Variants in PACS1 observed in about 807,000 individuals in gnomAD.
The protein encoded by PACS1 is PACS-1.
A neutral mutation model predicts 115.0 loss-of-function variants in PACS1; 24 were observed. The observed-to-expected ratio is 0.21, with a 90% CI of 0.15 to 0.29. The LOEUF (loss-of-function observed/expected upper bound fraction) is 0.29, where lower values mean the gene tolerates loss of function less well. PACS1 is among the 10% of genes least tolerant of loss of function. The pLI is 1.00. For synonymous variants in PACS1, 453 were observed against 504.5 expected (o/e 0.90, Z 1.37); for missense variants, 838 against 1,251.2 (o/e 0.67, Z 4.98).
chr11:66,070,939 A>G lies in PACS1; in HGVS notation c.356+97A>G. On this transcript the variant is annotated intron_variant, in intron 1 of 23. Transcript: ENST00000320580. The surrounding 1 kb of genome is among the most constrained non-coding windows in gnomAD (Gnocchi z 5.9). ...AGCGCCCATGGGGTCCCCGCCCTCC[A>G]TCTCCCCGACTGTCCCGCGGCCCGG... 8.3e-7 allele frequency: 1 copy of G among 1,204,956 alleles called. No individual in the cohort carries two copies. The highest frequency in any genetic ancestry group is 1.1e-6 in the Non-Finnish European group (1 of 931,212). 74.6% of individuals were successfully genotyped at this position (1,204,956 alleles called of 1,614,324 possible). A position where few individuals can be genotyped will look rare whatever the true frequency, so the allele number is the denominator to read the frequency against.
intron 1 of PACS1, among the ~76,000 whole-genome samples, chr11:66,103,452 A>G (rs1857965637): frequency 6.6e-6 from 1 of 151,536 alleles, no homozygotes; most frequent in African/African-American, 2.4e-5. Context: ...AGAAAAGGGC[A>G]TTAGTCCCTT....
At chr11:66,222,348 C>G (rs1855369558) in intron 10 of PACS1, among the ~76,000 whole-genome samples, 1 of 152,030 alleles carries the variant, frequency 6.6e-6, no homozygotes, top group African/African-American at 2.4e-5. Context: ...CAAGAGGTTT[C>G]CATTTTTTCT....
intron 1 of PACS1, among the ~76,000 whole-genome samples, chr11:66,108,771 AAAGAGAGAAAGAGAG>A (rs1273796578): frequency 1.3e-5 from 2 of 152,016 alleles, no homozygotes; most frequent in Non-Finnish European, 2.9e-5. Flanking sequence ...TCTCAAAAAG[AAAGAGAGAAAGAGAG>A]AAGAGAGAGA....
chr11:66,121,773 G>A (rs74488521), intron 1 of PACS1, among the ~76,000 whole-genome samples: 221 of 152,354 alleles, frequency 1.5e-3, no homozygotes, highest in African/African-American at 4.7e-3. Flanking sequence ...AAGGCTCAGA[G>A]AGGTGAGGAA....
At chr11:66,229,310 G>A (rs1855533492) in intron 11 of PACS1, among the ~76,000 whole-genome samples, 1 of 151,890 alleles carries the variant, frequency 6.6e-6, no homozygotes, top group South Asian at 2.1e-4. Context: ...AACCACTTGA[G>A]CCCAGGAGTT....
chr11:66,101,051 C>T (rs1857905800), intron 1 of PACS1, among the ~76,000 whole-genome samples: 1 of 152,168 alleles, frequency 6.6e-6, no homozygotes, highest in African/African-American at 2.4e-5. Flanking sequence ...AATTTGTTTC[C>T]ACTTTTTCAT....
intron 1 of PACS1, among the ~76,000 whole-genome samples, chr11:66,084,843 A>G (rs780930313): frequency 6.6e-6 from 1 of 152,092 alleles, no homozygotes; most frequent in Non-Finnish European, 1.5e-5. Context: ...CACTTTTACC[A>G]TTTGTAATTA....
Position 66,070,761 on chromosome 11 carries a change from C to G in PACS1, c.275C>G (p.Pro92Arg), listed in dbSNP as rs746680085. Residue 92 changes from proline to arginine, a missense_variant, in exon 1 of 24, where the codon CCA (proline) becomes CGA (arginine). Physicochemically the swap from Pro to Arg is moderately radical, Grantham distance 103. Transcript: ENST00000320580. This position sits in a 1 kb window ranked among gnomAD's most constrained non-coding sequence, Gnocchi z 5.9. ...TCCGCGCCTCCCGGTGGCCCGGGGCCAGGCCGCACCCCCGCCCCGGTGCAG... is the reference window on the plus strand; with the variant it reads ...TCCGCGCCTCCCGGTGGCCCGGGGCGAGGCCGCACCCCCGCCCCGGTGCAG... The part of the protein sequence containing the change: ...SGSAPPGGPG[P>R]GRTPAPVQMN... 6.5e-7 allele frequency: 1 copy of G among 1,546,552 alleles called. No individual in the cohort carries two copies. The highest frequency in any genetic ancestry group is 8.7e-7 in the Non-Finnish European group (1 of 1,154,036).
chr11:66,192,501 G>T (rs559547461), intron 1 of PACS1, among the ~76,000 whole-genome samples: 36 of 152,390 alleles, frequency 2.4e-4, no homozygotes, highest in African/African-American at 8.4e-4. Flanking sequence ...AGGAAAGTTA[G>T]TGTGGCTGGA....
At chr11:66,151,296 C>T (rs893170498) in intron 1 of PACS1, among the ~76,000 whole-genome samples, 5 of 151,800 alleles carry the variant, frequency 3.3e-5, no homozygotes, top group African/African-American at 7.3e-5. Flanking sequence ...TATCCCTAAA[C>T]TGTGAGCAGC....
chr11:66,191,547 G>T (rs192990110), intron 1 of PACS1, among the ~76,000 whole-genome samples: 2 of 152,144 alleles, frequency 1.3e-5, no homozygotes, highest in African/African-American at 4.8e-5. Flanking sequence ...TTTTTCTGTT[G>T]CATGCGTAGA....
intron 2 of PACS1, among the ~76,000 whole-genome samples, chr11:66,197,224 C>G (rs1854670357): frequency 6.6e-6 from 1 of 152,022 alleles, no homozygotes; most frequent in Non-Finnish European, 1.5e-5. Flanking sequence ...TATACCCCAC[C>G]CAGCTTCTCC....
At chr11:66,089,888 C>T (rs901360187) in intron 1 of PACS1, among the ~76,000 whole-genome samples, 7 of 151,338 alleles carry the variant, frequency 4.6e-5, no homozygotes, top group Non-Finnish European at 7.4e-5. Context: ...CACCTGTAGT[C>T]CCAGCTACTC....
chr11:66,239,155 T>C lies in PACS1; in HGVS notation c.2307T>C (p.Asp769=), dbSNP rs990290587. 1 of 1,614,164 alleles carries C rather than the reference T, an allele frequency of 6.2e-7. No homozygotes were observed. The highest frequency in any genetic ancestry group is 8.5e-7 in the Non-Finnish European group (1 of 1,179,998). The change falls in exon 21 of 24, where the codon GAT becomes GAC. Residue 769 remains aspartate (D), a synonymous_variant. Transcript: ENST00000320580. ...DSPSTAGDGD[D]SPVVSLTVPS... ...GTCCCCTGACAGGCGATGGGGACGA[T>C]TCTCCTGTGGTCAGCCTTACTGTGC...
At position 66,243,648 on chromosome 11, in the gene PACS1, AATCCTGGTCCCC is replaced by A. The variant is rs1332700105; in HGVS notation, c.*370_*381del. 4.8e-6 allele frequency: 1 copy of A among 207,284 alleles called. No individual in the cohort carries two copies. The highest frequency in any genetic ancestry group is 5.3e-5 in the Admixed American group (1 of 18,952). 12.8% of individuals were successfully genotyped at this position (207,284 alleles called of 1,614,324 possible). On this transcript the variant is annotated 3_prime_UTR_variant, in exon 24 of 24. Transcript: ENST00000320580. ...TCCTTCTCGGAAATGAGAAAGCTGG[AATCCTGGTCCCC>A]AGCAGGAGAGCCTAGTCCTCCCCCA...
At chr11:66,222,874 C>T (rs1348091544) in intron 10 of PACS1, among the ~76,000 whole-genome samples, 1 of 151,890 alleles carries the variant, frequency 6.6e-6, no homozygotes, top group Non-Finnish European at 1.5e-5. Context: ...CCCAGCTCAC[C>T]GTTCTTCCTG....
chr11:66,151,181 A>G (rs766527744), intron 1 of PACS1, among the ~76,000 whole-genome samples: 1 of 151,738 alleles, frequency 6.6e-6, no homozygotes, highest in African/African-American at 2.4e-5. Context: ...AAACCAGCCA[A>G]CCAATGAAAC....
intron 1 of PACS1, among the ~76,000 whole-genome samples, chr11:66,121,656 A>T (rs2134562600): frequency 6.6e-6 from 1 of 152,334 alleles, no homozygotes; most frequent in East Asian, 1.9e-4. Context: ...CTTATTGCTG[A>T]TGTGGAGAAA....
intron 1 of PACS1, among the ~76,000 whole-genome samples, chr11:66,190,958 G>T (rs897799415): frequency 1.3e-5 from 2 of 152,142 alleles, no homozygotes; most frequent in African/African-American, 4.8e-5. Flanking sequence ...TGGGATGAGG[G>T]GTGGTTCACT....
Sources: gnomAD v4.1 joint callset for allele counts (sites outside exome capture counted in the v4.1 genomes callset) on GRCh38, gnomAD v4.1.1 for gene constraint, Gnocchi (gnomAD v3.1) non-coding constraint, MANE v1.5 for transcripts, NCBI Gene and HGNC (gene_info 2026-07-23, HGNC 2026-07-21) for gene names.